Variants in ADGRL4 observed in about 807,000 individuals in gnomAD.
The protein encoded by ADGRL4 is EGF, latrophilin and seven transmembrane domain containing 1.
Under a neutral mutation model 74.8 loss-of-function variants are expected in ADGRL4, and 90 were observed. That is an observed-to-expected ratio of 1.20 (90% CI 1.02 to 1.43). The LOEUF (loss-of-function observed/expected upper bound fraction) is 1.43. Among genes scored for constraint, ADGRL4 ranks in the 40% most tolerant of loss-of-function variants. ADGRL4 has a pLI of 0.00. For synonymous variants in ADGRL4, 311 were observed against 279.2 expected, an observed-to-expected ratio of 1.11 and a Z score of -1.14; for missense variants, 881 against 814.3, an observed-to-expected ratio of 1.08 and a Z score of -1.00.
chr1:78,998,303 A>G (rs1262609600), intron 2 of ADGRL4, among the ~76,000 whole-genome samples: 1 of 140,548 alleles, frequency 7.1e-6, no homozygotes, highest in Non-Finnish European at 1.5e-5. Context: ...GATGAACAGG[A>G]GTTAAACTCT....
chr1:78,931,846 T>A (rs1649248834), intron 7 of ADGRL4, among the ~76,000 whole-genome samples: 1 of 151,338 alleles, frequency 6.6e-6, no homozygotes, highest in Non-Finnish European at 1.5e-5. Flanking sequence ...GGGCATTATA[T>A]AATGGTAAAG....
At chr1:78,897,029 A>G (rs905397031) in intron 12 of ADGRL4, among the ~76,000 whole-genome samples, 4 of 152,144 alleles carry the variant, frequency 2.6e-5, no homozygotes, top group African/African-American at 9.7e-5. Context: ...ACTCCCTGCC[A>G]TGTGCTTATA....
At position 78,986,152 on chromosome 1, in the gene ADGRL4, C is replaced by T. The variant is rs181047080; in HGVS notation, c.172+18918G>A. On this transcript the variant is annotated intron_variant, in intron 2 of 14. Transcript: ENST00000370742. ...AATTTACGTATATAACAAACCTGCA[C>T]ATGAATCCTTGGACCTAAACTAAAG... Among the ~76,000 whole-genome samples the T allele has an allele frequency of 3.4e-3, 513 of 151,822 alleles. 3 individuals are homozygous for T. The highest frequency in any genetic ancestry group is 7.0e-3 in the Admixed American group (106 of 15,164).
At chr1:78,965,791 G>A (rs1650044064) in intron 2 of ADGRL4, among the ~76,000 whole-genome samples, 1 of 152,050 alleles carries the variant, frequency 6.6e-6, no homozygotes, top group Admixed American at 6.6e-5. Context: ...AATACTAAAA[G>A]TACAGACATC....
chr1:79,003,695 A>G (rs1650888885), intron 2 of ADGRL4, among the ~76,000 whole-genome samples: 1 of 152,020 alleles, frequency 6.6e-6, no homozygotes, highest in Admixed American at 6.6e-5. Context: ...TATGCTAAGC[A>G]TGGCAATTGA....
chr1:78,944,395 C>G (rs527735167), intron 3 of ADGRL4, among the ~76,000 whole-genome samples: 15 of 152,270 alleles, frequency 9.9e-5, no homozygotes, highest in Admixed American at 3.3e-4. Flanking sequence ...CATTCTAAGA[C>G]TAGTAACAAG....
At chr1:78,953,726 TA>T (rs1399851464) in intron 2 of ADGRL4, among the ~76,000 whole-genome samples, 1 of 152,000 alleles carries the variant, frequency 6.6e-6, no homozygotes, top group East Asian at 1.9e-4. Flanking sequence ...GATGGAGAGG[TA>T]AAAATGGTGG....
rs1305057027 is a variant in ADGRL4 at position 78,920,201 on chromosome 1, G to T, written c.1443C>A (p.Ile481=). The stretch of plus-strand genomic sequence containing the variant: ...TACATACCTTATTAGTATTTGTATT[G>T]ATCCCAACAAGAAAAACAAGTTCAG... ...FLAELVFLVG[I]NTNTNKLFCS... Residue 481 remains isoleucine (I), a synonymous_variant, in exon 10 of 15, where the codon ATC becomes ATA. Transcript: ENST00000370742. 5.0e-6 allele frequency: 8 copies of T among 1,610,772 alleles called. No individual in the cohort carries two copies. In the African/African-American group the frequency reaches 6.7e-5, roughly 13 times the overall value.
chr1:78,945,242 C>T (rs1252255316), intron 3 of ADGRL4, among the ~76,000 whole-genome samples: 5 of 149,304 alleles, frequency 3.3e-5, no homozygotes, highest in African/African-American at 1.2e-4. Flanking sequence ...TTTAGATTAA[C>T]TTGAATATCT....
At chr1:78,957,225 G>A (rs1649855289) in intron 2 of ADGRL4, among the ~76,000 whole-genome samples, 1 of 152,108 alleles carries the variant, frequency 6.6e-6, no homozygotes, top group South Asian at 2.1e-4. Context: ...AATTAGGCCA[G>A]TTAATAACCC....
chr1:78,946,293 A>T lies in ADGRL4; in HGVS notation c.306T>A (p.Asn102Lys). The T allele has an allele frequency of 6.2e-7, 1 of 1,612,332 alleles. No homozygotes were observed. Residue 102 changes from asparagine (N) to lysine (K), a missense_variant, in exon 3 of 15, where the codon AAT becomes AAA. Coordinates refer to ENST00000370742, the MANE Select transcript of ADGRL4 (RefSeq NM_022159.4). Reference sequence around the variant, plus strand: ...ACTTACCTATACAGACGGTTCCATCATTAGTGATAAACCTGTCTTGGTTAC... The same window carrying T: ...ACTTACCTATACAGACGGTTCCATCTTTAGTGATAAACCTGTCTTGGTTAC... Reference protein sequence around the residue: ...SSSNQDRFITNDGTVCIENVN... With the variant: ...SSSNQDRFITKDGTVCIENVN...
intron 2 of ADGRL4, among the ~76,000 whole-genome samples, chr1:78,973,414 ATGTAGTT>A (rs2100719417): frequency 6.6e-6 from 1 of 151,904 alleles, no homozygotes; most frequent in South Asian, 2.1e-4. Context: ...ACATAAGCAT[ATGTAGTT>A]TTAAAAGATA....
At chr1:78,996,297 T>G (rs1347085197) in intron 2 of ADGRL4, among the ~76,000 whole-genome samples, 1 of 152,152 alleles carries the variant, frequency 6.6e-6, no homozygotes, top group African/African-American at 2.4e-5. Flanking sequence ...TGAGTAGGTT[T>G]TTAGCCTAGG....
intron 4 of ADGRL4, 72 bp from the exon 5 acceptor site, chr1:78,938,351 A>G (rs1481599404): frequency 2.3e-6 from 3 of 1,287,448 alleles, no homozygotes; most frequent in East Asian, 2.5e-5. Context: ...TAAAACTTAC[A>G]TGTTAAATTT....
chr1:78,912,341 G>C (rs1248281049), intron 12 of ADGRL4, among the ~76,000 whole-genome samples: 1 of 151,838 alleles, frequency 6.6e-6, no homozygotes, highest in Non-Finnish European at 1.5e-5. Flanking sequence ...TGATGAGTTG[G>C]AAGGTCAAAA....
chr1:78,980,467 C>T (rs1650376222), intron 2 of ADGRL4, among the ~76,000 whole-genome samples: 1 of 151,764 alleles, frequency 6.6e-6, no homozygotes, highest in African/African-American at 2.4e-5. Flanking sequence ...AAATAGAATC[C>T]ACTTGAGTAT....
intron 2 of ADGRL4, among the ~76,000 whole-genome samples, chr1:78,962,827 A>G (rs982903507): frequency 1.3e-5 from 2 of 152,180 alleles, no homozygotes; most frequent in Admixed American, 6.5e-5. Flanking sequence ...AATAGGATAT[A>G]GTTAAATTCT....
intron 7 of ADGRL4, among the ~76,000 whole-genome samples, chr1:78,927,606 G>A (rs1445789349): frequency 5.3e-5 from 8 of 152,080 alleles, no homozygotes; most frequent in Admixed American, 3.9e-4. Flanking sequence ...TAATTATGCA[G>A]TGTCGGGGTA....
At chr1:78,941,690 G>A (rs983692487) in intron 3 of ADGRL4, among the ~76,000 whole-genome samples, 2 of 151,984 alleles carry the variant, frequency 1.3e-5, no homozygotes, top group African/African-American at 4.8e-5. Context: ...TAAATGTCCA[G>A]TGAAACTGGC....
Sources: gnomAD v4.1 joint callset for allele counts (sites outside exome capture counted in the v4.1 genomes callset) on GRCh38, gnomAD v4.1.1 for gene constraint, MANE v1.5 for transcripts, NCBI Gene and HGNC (gene_info 2026-07-23, HGNC 2026-07-21) for gene names.